Variants in RPS6KC1 observed in about 807,000 individuals in gnomAD.
RPS6KC1 encodes the protein ribosomal protein S6 kinase C1.
A neutral mutation model predicts 103.8 loss-of-function variants in RPS6KC1; 54 were observed. That is an observed-to-expected ratio of 0.52 (90% CI 0.42 to 0.65). RPS6KC1 has a LOEUF of 0.65. RPS6KC1 is among the 30% of genes least tolerant of loss of function. The pLI, the probability that RPS6KC1 is intolerant of heterozygous loss-of-function variation, is 0.00. For missense variants in RPS6KC1, 1,151 were observed against 1,253.8 expected (o/e 0.92, Z 1.24); for synonymous variants, 439 against 438.7 (o/e 1.00, Z -0.01).
At chr1:213,603,492 C>T in the RPS6KC1 span, among the ~76,000 whole-genome samples, 351 of 152,302 alleles carry the variant, frequency 2.3e-3, 1 homozygote, top group African/African-American at 8.0e-3. Flanking sequence ...TAATTCCAAG[C>T]TGGCCTTGAT....
intron 14 of RPS6KC1, among the ~76,000 whole-genome samples, chr1:213,268,074 C>G (rs1178133786): frequency 6.6e-6 from 1 of 151,876 alleles, no homozygotes; most frequent in Non-Finnish European, 1.5e-5. Flanking sequence ...ATCCAAGAAA[C>G]TCAACAGACC....
At chr1:213,705,727 G>C in the RPS6KC1 span, among the ~76,000 whole-genome samples, 1 of 152,226 alleles carries the variant, frequency 6.6e-6, no homozygotes, top group Non-Finnish European at 1.5e-5. Flanking sequence ...GGGTCAGAAT[G>C]TTATCCAAGG....
chr1:213,191,045 T>C (rs535686925), intron 8 of RPS6KC1, among the ~76,000 whole-genome samples: 8 of 152,350 alleles, frequency 5.3e-5, no homozygotes, highest in African/African-American at 1.9e-4. Context: ...TTTTGGTTAC[T>C]ATAGCTCTTT....
At chr1:213,552,952 C>G in the RPS6KC1 span, among the ~76,000 whole-genome samples, 1 of 152,262 alleles carries the variant, frequency 6.6e-6, no homozygotes, top group Middle Eastern at 3.4e-3. Flanking sequence ...GTATGGTACC[C>G]CATAATGGTT....
the RPS6KC1 span, among the ~76,000 whole-genome samples, chr1:213,756,767 C>T: frequency 0.022 from 3,278 of 152,098 alleles, 131 homozygotes; most frequent in African/African-American, 0.075. Flanking sequence ...CAGGCACACA[C>T]CACTGCACCC....
chr1:213,848,757 T>C, the RPS6KC1 span, among the ~76,000 whole-genome samples: 1 of 152,180 alleles, frequency 6.6e-6, no homozygotes, highest in African/African-American at 2.4e-5. Flanking sequence ...AGTAAACTAA[T>C]ATTTTCTTTT....
chr1:213,538,760 A>G, the RPS6KC1 span, among the ~76,000 whole-genome samples: 2 of 152,134 alleles, frequency 1.3e-5, no homozygotes, highest in Non-Finnish European at 2.9e-5. Context: ...AAGAACATGC[A>G]TTTTACTGGG....
At chr1:213,588,897 A>G in the RPS6KC1 span, among the ~76,000 whole-genome samples, 1 of 152,344 alleles carries the variant, frequency 6.6e-6, no homozygotes, top group African/African-American at 2.4e-5. Flanking sequence ...AAGGCTGAAC[A>G]TCTCAGAGCA....
At chr1:213,596,152 A>G in the RPS6KC1 span, among the ~76,000 whole-genome samples, 3 of 151,210 alleles carry the variant, frequency 2.0e-5, no homozygotes, top group African/African-American at 7.4e-5. Flanking sequence ...AGGCAGTATC[A>G]CAAAGTAAAC....
At chr1:213,830,845 C>A in the RPS6KC1 span, among the ~76,000 whole-genome samples, 1 of 152,102 alleles carries the variant, frequency 6.6e-6, no homozygotes, top group African/African-American at 2.4e-5. Flanking sequence ...GGAGTAGGCC[C>A]ACATGTCTGC....
At chr1:213,450,871 A>T in the RPS6KC1 span, among the ~76,000 whole-genome samples, 1 of 152,152 alleles carries the variant, frequency 6.6e-6, no homozygotes, top group African/African-American at 2.4e-5. Context: ...GCTACTGGTG[A>T]GGCTGAGGCA....
chr1:213,578,502 C>T, the RPS6KC1 span, among the ~76,000 whole-genome samples: 1 of 152,238 alleles, frequency 6.6e-6, no homozygotes, highest in Non-Finnish European at 1.5e-5. Flanking sequence ...CAGCCCATGA[C>T]AGCAGCCAGT....
chr1:213,191,729 A>G (rs2092752873), intron 8 of RPS6KC1, among the ~76,000 whole-genome samples: 1 of 151,974 alleles, frequency 6.6e-6, no homozygotes, highest in Non-Finnish European at 1.5e-5. Context: ...ATCTTAGAGG[A>G]AAGGCTTTCA....
the RPS6KC1 span, among the ~76,000 whole-genome samples, chr1:213,311,743 A>G: frequency 6.6e-6 from 1 of 152,132 alleles, no homozygotes; most frequent in African/African-American, 2.4e-5. Context: ...TTTGAACAAC[A>G]TTTAAAGACT....
the RPS6KC1 span, among the ~76,000 whole-genome samples, chr1:213,519,172 G>A: frequency 6.6e-6 from 1 of 152,094 alleles, no homozygotes; most frequent in African/African-American, 2.4e-5. Context: ...CTGTTGTTCT[G>A]CAGTCAACAA....
At chr1:213,758,381 C>G in the RPS6KC1 span, among the ~76,000 whole-genome samples, 1 of 152,042 alleles carries the variant, frequency 6.6e-6, no homozygotes, top group East Asian at 1.9e-4. Flanking sequence ...AGTTCGAGAC[C>G]AGCCTGGACA....
the RPS6KC1 span, among the ~76,000 whole-genome samples, chr1:213,447,541 T>C: frequency 1.3e-5 from 2 of 152,262 alleles, no homozygotes; most frequent in Admixed American, 6.5e-5. Flanking sequence ...GTTATACTCA[T>C]GGCATATCAC....
the RPS6KC1 span, chr1:213,821,000 T>A: frequency 6.6e-6 from 1 of 152,084 alleles, no homozygotes; most frequent in Admixed American, 6.6e-5. Flanking sequence ...AGGCCGTAAC[T>A]TTCCTCTCTG....
chr1:213,692,386 C>T, the RPS6KC1 span, among the ~76,000 whole-genome samples: 3 of 82,908 alleles, frequency 3.6e-5, no homozygotes, highest in African/African-American at 8.0e-5. Flanking sequence ...GAGACTCTGT[C>T]TCAAAAAAAA....
Sources: gnomAD v4.1 joint callset for allele counts (sites outside exome capture counted in the v4.1 genomes callset) on GRCh38, gnomAD v4.1.1 for gene constraint, MANE v1.5 for transcripts, NCBI Gene and HGNC (gene_info 2026-07-23, HGNC 2026-07-21) for gene names.